LDLRAD4: variants seen among roughly 807,000 people sequenced by gnomAD.
LDLRAD4 encodes the protein low-density lipoprotein receptor class A domain-containing protein 4.
LDLRAD4 carries 5 observed loss-of-function variants against 17.0 expected under a neutral mutation model. The observed-to-expected ratio is 0.29, with a 90% CI of 0.15 to 0.62. The LOEUF is 0.62. LDLRAD4 is among the 20% of genes least tolerant of loss of function. The pLI, the probability that LDLRAD4 is intolerant of heterozygous loss-of-function variation, is 0.84. For missense variants in LDLRAD4, 340 were observed against 424.7 expected (o/e 0.80, Z 1.75); for synonymous variants, 168 against 171.8 (o/e 0.98, Z 0.17).
At chr18:13,395,606 G>A (rs1405126700) in intron 2 of LDLRAD4, among the ~76,000 whole-genome samples, 3 of 69,674 alleles carry the variant, frequency 4.3e-5, no homozygotes, top group Admixed American at 1.5e-4. Context: ...GCGTGGGGGC[G>A]GGAGTTGGCG....
chr18:13,332,657 G>A (rs983485171), intron 1 of LDLRAD4, among the ~76,000 whole-genome samples: 1 of 151,990 alleles, frequency 6.6e-6, no homozygotes, highest in African/African-American at 2.4e-5. Flanking sequence ...CATAGAGTAC[G>A]TAGCCTTTCA....
At chr18:13,432,903 G>A (rs976051337) in intron 2 of LDLRAD4, among the ~76,000 whole-genome samples, 7 of 152,132 alleles carry the variant, frequency 4.6e-5, no homozygotes, top group Non-Finnish European at 5.9e-5. Context: ...TTTTTGTAGA[G>A]ATGGGGTCTC....
chr18:13,233,995 G>A (rs1346636330), intron 1 of LDLRAD4, among the ~76,000 whole-genome samples: 5 of 152,076 alleles, frequency 3.3e-5, no homozygotes, highest in African/African-American at 4.8e-5. Context: ...CACTTCTTTC[G>A]TCACCTTTTC....
At chr18:13,597,782 A>G (rs2095113200) in intron 3 of LDLRAD4, among the ~76,000 whole-genome samples, 1 of 152,128 alleles carries the variant, frequency 6.6e-6, no homozygotes, top group African/African-American at 2.4e-5. Flanking sequence ...AGATAATTCT[A>G]TTTCTTTATT....
intron 3 of LDLRAD4, among the ~76,000 whole-genome samples, chr18:13,501,690 G>A (rs956515659): frequency 1.3e-5 from 2 of 151,956 alleles, no homozygotes; most frequent in Non-Finnish European, 2.9e-5. Flanking sequence ...CGGAGTGAGA[G>A]GAGAAACATG....
intron 2 of LDLRAD4, among the ~76,000 whole-genome samples, chr18:13,427,000 A>G (rs1308557937): frequency 2.6e-5 from 4 of 152,090 alleles, no homozygotes; most frequent in Non-Finnish European, 5.9e-5. Context: ...CCTGGCCAAC[A>G]TGGTGAAACC....
rs113703420 is a variant in LDLRAD4 at position 13,318,371 on chromosome 18, C to T, written c.-383+40183C>T. Among the ~76,000 whole-genome samples the T allele has an allele frequency of 1.0e-2, 1,516 of 152,174 alleles. 21 individuals are homozygous for T. Among genetic ancestry groups the T allele is most frequent in the African/African-American group, 0.034 (1,418 of 41,502 alleles). ...CCGCCTCCCGAGTTCAAGCGATTCT[C>T]GTGCCTCAGCCTCCTGAGTAGCTGG... On this transcript the variant is annotated intron_variant, in intron 1 of 5. Transcript: ENST00000359446.
chr18:13,434,152 C>T (rs556244282), intron 2 of LDLRAD4, among the ~76,000 whole-genome samples: 7 of 144,366 alleles, frequency 4.8e-5, no homozygotes, highest in African/African-American at 1.5e-4. Flanking sequence ...TGCAGAGAAG[C>T]TGAATACCCT....
chr18:13,346,742 T>C (rs1296284909), intron 1 of LDLRAD4, among the ~76,000 whole-genome samples: 1 of 152,208 alleles, frequency 6.6e-6, no homozygotes, highest in African/African-American at 2.4e-5. Flanking sequence ...AAGGACTTGC[T>C]TTATGAATCT....
intron 3 of LDLRAD4, among the ~76,000 whole-genome samples, chr18:13,477,255 C>T (rs1940909): frequency 0.054 from 8,279 of 152,192 alleles, 283 homozygotes; most frequent in East Asian, 0.12. Flanking sequence ...GCTGGGGCCC[C>T]GACCTTCCTG....
At chr18:13,608,423 C>G (rs2095245627) in intron 3 of LDLRAD4, among the ~76,000 whole-genome samples, 1 of 152,112 alleles carries the variant, frequency 6.6e-6, no homozygotes, top group African/African-American at 2.4e-5. Flanking sequence ...GGGTGAGATG[C>G]TAACTGGGCT....
At chr18:13,506,890 T>A (rs1382963813) in intron 3 of LDLRAD4, among the ~76,000 whole-genome samples, 2 of 152,230 alleles carry the variant, frequency 1.3e-5, no homozygotes, top group East Asian at 3.8e-4. Flanking sequence ...ATGGCAGAAG[T>A]GCTAGCTGTG....
chr18:13,343,524 A>G (rs1022039668), intron 1 of LDLRAD4, among the ~76,000 whole-genome samples: 1 of 152,060 alleles, frequency 6.6e-6, no homozygotes, highest in Non-Finnish European at 1.5e-5. Context: ...GCTATTGTGA[A>G]TAGTGCCACA....
intron 2 of LDLRAD4, among the ~76,000 whole-genome samples, chr18:13,423,196 C>T (rs187420818): frequency 5.0e-4 from 76 of 152,174 alleles, no homozygotes; most frequent in Middle Eastern, 3.4e-3. Flanking sequence ...TAAAGAAGGC[C>T]GGGCTTGGTG....
At chr18:13,511,518 A>C (rs1412446013) in intron 3 of LDLRAD4, among the ~76,000 whole-genome samples, 1 of 152,236 alleles carries the variant, frequency 6.6e-6, no homozygotes, top group East Asian at 1.9e-4. Context: ...TCTCAAAATA[A>C]ATAAATAGTC....
intron 2 of LDLRAD4, among the ~76,000 whole-genome samples, chr18:13,434,609 A>G (rs1271936233): frequency 6.6e-6 from 1 of 152,282 alleles, no homozygotes; most frequent in East Asian, 1.9e-4. Flanking sequence ...GTTTTACTTC[A>G]TGGAGGACCC....
intron 1 of LDLRAD4, among the ~76,000 whole-genome samples, chr18:13,361,989 C>T (rs2083706552): frequency 6.6e-6 from 1 of 151,786 alleles, no homozygotes. Flanking sequence ...TAGGAGCGTA[C>T]TTGACATAGG....
intron 1 of LDLRAD4, among the ~76,000 whole-genome samples, chr18:13,346,290 G>A (rs575159814): frequency 3.2e-4 from 49 of 152,136 alleles, no homozygotes; most frequent in Admixed American, 3.3e-4. Context: ...CTTTGTTCTC[G>A]TTGGTTTCAA....
intron 1 of LDLRAD4, among the ~76,000 whole-genome samples, chr18:13,291,280 G>C (rs1042919152): frequency 2.0e-4 from 31 of 152,216 alleles, no homozygotes; most frequent in African/African-American, 7.0e-4. Context: ...CAGCCACAAA[G>C]CCCTCTGCCA....
Sources: allele counts gnomAD v4.1 joint callset (sites outside exome capture counted in the v4.1 genomes callset), GRCh38; gene constraint gnomAD v4.1.1; transcripts MANE v1.5; gene names NCBI Gene and HGNC (gene_info 2026-07-23, HGNC 2026-07-21).